NAV2: variants seen among roughly 807,000 people sequenced by gnomAD.
NAV2 encodes the protein helicase, APC down-regulated 1.
A neutral mutation model predicts 223.2 loss-of-function variants in NAV2; 54 were observed. The observed-to-expected ratio is 0.24, with a 90% CI of 0.19 to 0.30. The LOEUF (loss-of-function observed/expected upper bound fraction) is 0.30, where lower values mean the gene tolerates loss of function less well. Ranked by LOEUF, NAV2 falls within the 10% of genes least tolerant of loss-of-function variation. NAV2 has a pLI of 1.00. For missense variants in NAV2, 2,806 were observed against 3,147.5 expected (o/e 0.89, Z 2.60); for synonymous variants, 1,279 against 1,239.3 (o/e 1.03, Z -0.67).
rs2047109010 is a variant in NAV2 at position 19,624,626 on chromosome 11, T to A, written c.76-207858T>A. ...GAAAAGCACTGTATTAGGGTGGGAG[T>A]GACCCAATTTTCCTGGTGCCATCTG... On this transcript the variant is annotated intron_variant, in intron 1 of 37. Coordinates refer to the NAV2 transcript ENST00000360655. 2.0e-5 allele frequency among the ~76,000 whole-genome samples: 3 copies of A among 152,040 alleles called. No homozygotes were observed. In the South Asian group the frequency reaches 6.2e-4, roughly 32 times the overall value.
intron 19 of NAV2, among the ~76,000 whole-genome samples, chr11:20,061,284 T>C (rs550341000): frequency 6.6e-6 from 1 of 152,070 alleles, no homozygotes; most frequent in East Asian, 1.9e-4. Context: ...TAATAAGATG[T>C]CTTGGCCGGG....
At chr11:19,688,667 A>G (rs752502869) in intron 1 of NAV2, among the ~76,000 whole-genome samples, 1 of 152,142 alleles carries the variant, frequency 6.6e-6, no homozygotes, top group Non-Finnish European at 1.5e-5. Context: ...ACTCAGGGGG[A>G]TATATATCAG....
intron 1 of NAV2, among the ~76,000 whole-genome samples, chr11:19,447,799 T>TTCTG (rs1851641075): frequency 6.6e-6 from 1 of 152,202 alleles, no homozygotes; most frequent in Non-Finnish European, 1.5e-5. Flanking sequence ...GAAGTGCTGC[T>TTCTG]TCTGTCTTCC....
intron 1 of NAV2, among the ~76,000 whole-genome samples, chr11:19,682,524 G>T (rs1255527354): frequency 6.6e-6 from 1 of 152,186 alleles, no homozygotes; most frequent in Non-Finnish European, 1.5e-5. Flanking sequence ...CATTTGTGTC[G>T]CTATAAAGAA....
chr11:19,542,741 TA>T (rs1449877105), intron 1 of NAV2, among the ~76,000 whole-genome samples: 15 of 152,220 alleles, frequency 9.9e-5, no homozygotes, highest in South Asian at 2.1e-4. Context: ...GTGCTGCCTA[TA>T]AAATATTCTA....
chr11:19,936,881 A>G (rs1408701884), intron 7 of NAV2, among the ~76,000 whole-genome samples: 3 of 152,146 alleles, frequency 2.0e-5, no homozygotes, highest in East Asian at 1.9e-4. Context: ...CTTACACCTG[A>G]AATCCCAGCA....
intron 5 of NAV2, chr11:19,884,462 G>C (rs1394664622): frequency 4.1e-6 from 4 of 965,656 alleles, no homozygotes; most frequent in African/African-American, 3.3e-5. Context: ...TCCTCTCCTC[G>C]TTTCATGTTT....
intron 1 of NAV2, among the ~76,000 whole-genome samples, chr11:19,605,532 A>AT (rs1194967472): frequency 9.9e-4 from 148 of 149,226 alleles, no homozygotes; most frequent in African/African-American, 3.5e-3. Context: ...TCTAAATATT[A>AT]TTTAAAAAAA....
At chr11:20,098,796 T>C (rs114965183) in intron 31 of NAV2, among the ~76,000 whole-genome samples, 1,709 of 152,298 alleles carry the variant, frequency 0.011, 26 homozygotes, top group African/African-American at 0.039. Context: ...AAAGGAAATG[T>C]ATGGGCTCAT....
At chr11:19,926,391 G>T (rs1172755716) in intron 6 of NAV2, among the ~76,000 whole-genome samples, 1 of 152,076 alleles carries the variant, frequency 6.6e-6, no homozygotes, top group African/African-American at 2.4e-5. Context: ...TACCTCCAGG[G>T]ATCCTCTCCA....
chr11:19,525,348 C>T (rs1450854691), intron 1 of NAV2, among the ~76,000 whole-genome samples: 3 of 152,182 alleles, frequency 2.0e-5, no homozygotes, highest in East Asian at 3.8e-4. Flanking sequence ...TTGCTGTGTG[C>T]CAATCCCAAA....
Position 20,103,658 on chromosome 11 carries a change from A to G in NAV2, c.6578A>G (p.Tyr2193Cys). ...LLNCKYHKCP[Y>C]IIGTMNQATS... ...TTCCTTTATTTTATCCGCAGCCCTT[A>G]CATAATTGGCACAATGAACCAGGCT... The change falls in exon 34 of 38, where the codon TAC becomes TGC. Residue 2193 changes from tyrosine to cysteine, a missense_variant. Tyr to Cys is a radical substitution (Grantham distance 194). Coordinates refer to ENST00000349880, the MANE Select transcript of NAV2 (RefSeq NM_145117.5). The G allele has an allele frequency of 6.2e-7, 1 of 1,613,988 alleles. No homozygotes were observed. The highest frequency in any genetic ancestry group is 8.5e-7 in the Non-Finnish European group (1 of 1,179,900).
At chr11:19,461,622 G>A (rs542957893) in intron 1 of NAV2, among the ~76,000 whole-genome samples, 1 of 152,262 alleles carries the variant, frequency 6.6e-6, no homozygotes, top group South Asian at 2.1e-4. Flanking sequence ...AACTTGGAAG[G>A]GACCGTTTAG....
At chr11:19,614,188 C>A (rs1364784670) in intron 1 of NAV2, among the ~76,000 whole-genome samples, 1 of 151,968 alleles carries the variant, frequency 6.6e-6, no homozygotes, top group East Asian at 1.9e-4. Flanking sequence ...ATGTGGAAGC[C>A]CAGTCGATAA....
chr11:19,916,452 T>A (rs2043814149), intron 6 of NAV2, among the ~76,000 whole-genome samples: 2 of 152,234 alleles, frequency 1.3e-5, no homozygotes, highest in Non-Finnish European at 2.9e-5. Flanking sequence ...CTGGCTTAAA[T>A]AGAAAATATG....
At chr11:19,388,365 A>G (rs1456851745) in intron 1 of NAV2, among the ~76,000 whole-genome samples, 1 of 152,184 alleles carries the variant, frequency 6.6e-6, no homozygotes, top group Non-Finnish European at 1.5e-5. Context: ...GCTTTATCTC[A>G]GATGTCTTGA....
intron 1 of NAV2, among the ~76,000 whole-genome samples, chr11:19,754,853 C>A (rs1053107227): frequency 1.3e-5 from 2 of 152,222 alleles, no homozygotes; most frequent in African/African-American, 4.8e-5. Flanking sequence ...TCTCAGAGAA[C>A]TCCCCTTAGC....
At chr11:19,932,383 T>C (rs1051328941) in intron 6 of NAV2, among the ~76,000 whole-genome samples, 1 of 152,142 alleles carries the variant, frequency 6.6e-6, no homozygotes, top group Non-Finnish European at 1.5e-5. Context: ...TTTCCCAGGC[T>C]GGAGTACAAT....
intron 1 of NAV2, among the ~76,000 whole-genome samples, chr11:19,412,120 G>A (rs1287403194): frequency 1.3e-5 from 2 of 152,150 alleles, no homozygotes; most frequent in Non-Finnish European, 2.9e-5. Flanking sequence ...GAGACAAGTG[G>A]TCTAGCTCAG....
Sources: allele counts gnomAD v4.1 joint callset (sites outside exome capture counted in the v4.1 genomes callset), GRCh38; gene constraint gnomAD v4.1.1; transcripts MANE v1.5; gene names NCBI Gene and HGNC (gene_info 2026-07-23, HGNC 2026-07-21).